Variants in ABHD2 observed in about 807,000 individuals in gnomAD.
ABHD2 encodes abhydrolase domain containing 2, acylglycerol lipase.
In ABHD2, 20 loss-of-function variants were observed where a neutral mutation model predicts 48.1. The observed-to-expected ratio is 0.42, with a 90% CI of 0.29 to 0.60. The LOEUF (loss-of-function observed/expected upper bound fraction) is 0.60. ABHD2 is among the 20% of genes least tolerant of loss of function. ABHD2 has a pLI of 0.24. For synonymous variants in ABHD2, 209 were observed against 214.2 expected, an observed-to-expected ratio of 0.98 and a Z score of 0.21; for missense variants, 405 against 550.9, an observed-to-expected ratio of 0.74 and a Z score of 2.65.
rs551454973 is a variant in ABHD2, at chr15:89,155,665, A to G, written c.538+131A>G. ...AAGAGATGGTAGGTCACACGGTTAT[A>G]TCAACAGCCAACTTGTACTGGGCAT... On this transcript the variant is annotated intron_variant, in intron 5 of 10. Transcript: ENST00000352732. This position sits in a 1 kb window ranked among gnomAD's most constrained non-coding sequence, Gnocchi z 4.9. 3 of 1,159,386 alleles carry G rather than the reference A, an allele frequency of 2.6e-6. No individual in the cohort carries two copies. The highest frequency in any genetic ancestry group is 3.1e-5 in the African/African-American group (2 of 64,604). 71.8% of individuals were successfully genotyped at this position (1,159,386 alleles called of 1,614,324 possible).
intron 1 of ABHD2, among the ~76,000 whole-genome samples, chr15:89,111,833 T>C (rs1189933152): frequency 6.6e-6 from 1 of 152,212 alleles, no homozygotes; most frequent in Non-Finnish European, 1.5e-5. Context: ...AGAGTTAAGG[T>C]ATAAATAAAC....
At chr15:89,060,587 C>T in the ABHD2 span, among the ~76,000 whole-genome samples, 1 of 152,016 alleles carries the variant, frequency 6.6e-6, no homozygotes, top group Non-Finnish European at 1.5e-5. Flanking sequence ...CTCAATGGGC[C>T]ACCGTGATAT....
the ABHD2 span, among the ~76,000 whole-genome samples, chr15:89,071,229 G>C: frequency 1.3e-5 from 2 of 152,090 alleles, no homozygotes; most frequent in African/African-American, 4.8e-5. Flanking sequence ...AGACCAGCCT[G>C]GCCAACATGG....
In ABHD2 at chr15:89,164,755, C is replaced by T. The variant is rs373933174; in HGVS notation, c.538+9221C>T. On this transcript the variant is annotated intron_variant, in intron 5 of 10. Transcript: ENST00000352732. This position sits in a 1 kb window ranked among gnomAD's most constrained non-coding sequence, Gnocchi z 5.0. ...TTACGCCACTGCACTCCAGCCTAGA[C>T]GACAGAGACTGACCCTGTCTTTAAA... 7.9e-5 allele frequency among the ~76,000 whole-genome samples: 12 copies of T among 151,120 alleles called. No individual in the cohort carries two copies. The East Asian group carries it at 9.7e-4, about 12-fold the overall frequency.
the ABHD2 span, among the ~76,000 whole-genome samples, chr15:89,066,873 CTG>C: frequency 2.0e-5 from 3 of 152,230 alleles, no homozygotes; most frequent in Non-Finnish European, 4.4e-5. Flanking sequence ...CATGGCACAG[CTG>C]TGTTAGTCGT....
chr15:89,079,614 A>G, the ABHD2 span, among the ~76,000 whole-genome samples: 1 of 152,236 alleles, frequency 6.6e-6, no homozygotes, highest in African/African-American at 2.4e-5. This position sits in a 1 kb window ranked among gnomAD's most constrained non-coding sequence, Gnocchi z 4.3. Context: ...TGAAATGACC[A>G]TAATCTCTGG....
chr15:89,190,626 C>T (rs1025325912), intron 8 of ABHD2, among the ~76,000 whole-genome samples: 2 of 152,116 alleles, frequency 1.3e-5, no homozygotes, highest in Non-Finnish European at 2.9e-5. Flanking sequence ...CTAATAATTA[C>T]TATAGATAAC....
chr15:89,170,790 G>C (rs1453206512), intron 5 of ABHD2, among the ~76,000 whole-genome samples: 1 of 152,160 alleles, frequency 6.6e-6, no homozygotes, highest in East Asian at 1.9e-4. Flanking sequence ...TTAACAATGA[G>C]TGACATGAAG....
chr15:89,046,722 G>T, the ABHD2 span, among the ~76,000 whole-genome samples: 9 of 152,124 alleles, frequency 5.9e-5, no homozygotes, highest in South Asian at 2.1e-4. Context: ...GTAGTTTGTA[G>T]TTCTGTGGGA....
At chr15:89,053,042 A>G in the ABHD2 span, among the ~76,000 whole-genome samples, 3 of 148,252 alleles carry the variant, frequency 2.0e-5, no homozygotes, top group African/African-American at 7.5e-5. Flanking sequence ...GTCTTGGCTC[A>G]CTGCAACCTC....
upstream of ABHD2, among the ~76,000 whole-genome samples, chr15:89,084,431 C>G (rs1056711368): frequency 6.6e-6 from 1 of 152,118 alleles, no homozygotes; most frequent in African/African-American, 2.4e-5. The surrounding 1 kb of genome is among the most constrained non-coding windows in gnomAD (Gnocchi z 4.4). Context: ...TCCCAAGTAG[C>G]TGGGATTACA....
intron 3 of ABHD2, among the ~76,000 whole-genome samples, chr15:89,148,488 C>T (rs543751348): frequency 1.3e-5 from 2 of 152,272 alleles, no homozygotes; most frequent in East Asian, 1.9e-4. Context: ...TACTTTCCTT[C>T]GTTATTGGTG....
At chr15:89,143,979 C>T (rs1336204097) in intron 3 of ABHD2, among the ~76,000 whole-genome samples, 28 of 152,020 alleles carry the variant, frequency 1.8e-4, no homozygotes, top group Admixed American at 1.8e-3. Context: ...TGGAGTATCC[C>T]CAAAAAGTTA....
chr15:89,201,815 G>C lies in ABHD2; in HGVS notation c.*6392G>C, dbSNP rs570647471. On this transcript the variant is annotated 3_prime_UTR_variant, in exon 11 of 11. Transcript: ENST00000352732. ...AGGCAGACGCCATTGGAGAGACAGC[G>C]CAGAGCAGGGGGCGGCTTGCTCGCT... The C allele has an allele frequency of 2.3e-6, 3 of 1,307,856 alleles. No homozygotes were observed. The South Asian group carries it at 3.5e-5, about 15-fold the overall frequency. The allele number at this position is 1,307,856 out of a possible 1,614,324, so 81.0% of individuals were successfully genotyped here. A position where few individuals can be genotyped will look rare whatever the true frequency, so the allele number is the denominator to read the frequency against.
chr15:89,072,883 T>C, the ABHD2 span, among the ~76,000 whole-genome samples: 2 of 152,164 alleles, frequency 1.3e-5, no homozygotes, highest in Non-Finnish European at 2.9e-5. Flanking sequence ...AGATAAACAA[T>C]ACATAATTTT....
rs1322503768 is a variant in ABHD2, at chr15:89,094,361, A to C, written c.-107+5798A>C. The stretch of plus-strand genomic sequence containing the variant: ...TTAGTCATGTCAATGAGGGCAATAA[A>C]AAACAAAAATCAGGAAGCCCAACAT... On this transcript the variant is annotated intron_variant, in intron 1 of 10. Coordinates refer to ENST00000352732, the MANE Select transcript of ABHD2 (RefSeq NM_152924.5). This position sits in a 1 kb window ranked among gnomAD's most constrained non-coding sequence, Gnocchi z 4.7. The C allele has an allele frequency of 5.9e-5, 9 of 152,228 alleles. No individual in the cohort carries two copies. The highest frequency in any genetic ancestry group is 1.3e-4 in the Non-Finnish European group (9 of 68,048). The allele number at this position is 152,228 out of a possible 1,614,324, so 9.4% of individuals were successfully genotyped here. A position where few individuals can be genotyped will look rare whatever the true frequency, so the allele number is the denominator to read the frequency against.
Position 89,179,294 on chromosome 15 carries a change from G to A in ABHD2, c.722+3299G>A, listed in dbSNP as rs1229080983. 1.3e-5 allele frequency among the ~76,000 whole-genome samples: 2 copies of A among 152,164 alleles called. No homozygotes were observed. The highest frequency in any genetic ancestry group is 2.9e-5 in the Non-Finnish European group (2 of 68,042). ...GTGAGCGGTGGGCAGGTCACAGTGG[G>A]CAAAGCAGTAGGGAAGCAGTGGGTG... is the stretch of plus-strand genomic sequence containing the variant. On this transcript the variant is annotated intron_variant, in intron 6 of 10. Transcript: ENST00000352732. This position sits in a 1 kb window ranked among gnomAD's most constrained non-coding sequence, Gnocchi z 4.3.
Position 89,200,312 on chromosome 15 carries a change from G to T in ABHD2, c.*4889G>T, listed in dbSNP as rs1316078545. The T allele has an allele frequency of 6.6e-6, 1 of 150,624 alleles. No individual in the cohort carries two copies. Among genetic ancestry groups the T allele is most frequent in the African/African-American group, 2.5e-5 (1 of 40,008 alleles). 9.3% of individuals were successfully genotyped at this position (150,624 alleles called of 1,614,324 possible). ...GAGGCGCTCCTCACTTCCCAGATGG[G>T]GCGGCGGGCAGCAGAGACGCACCTC... On this transcript the variant is annotated 3_prime_UTR_variant, in exon 11 of 11. Transcript: ENST00000352732.
intron 5 of ABHD2, among the ~76,000 whole-genome samples, chr15:89,169,386 A>C (rs2050884751): frequency 6.6e-6 from 1 of 152,184 alleles, no homozygotes; most frequent in Non-Finnish European, 1.5e-5. Flanking sequence ...TGAACACTGT[A>C]CATCTGTTGT....
Sources: gnomAD v4.1 joint callset for allele counts (sites outside exome capture counted in the v4.1 genomes callset) on GRCh38, gnomAD v4.1.1 for gene constraint, Gnocchi (gnomAD v3.1) non-coding constraint, MANE v1.5 for transcripts, NCBI Gene and HGNC (gene_info 2026-07-23, HGNC 2026-07-21) for gene names.